MACROD2: variants seen among roughly 807,000 people sequenced by gnomAD.
The protein encoded by MACROD2 is mono-ADP ribosylhydrolase 2.
A neutral mutation model predicts 70.4 loss-of-function variants in MACROD2; 36 were observed. The observed-to-expected ratio is 0.51, with a 90% CI of 0.39 to 0.68. MACROD2 has a LOEUF of 0.68. Among genes scored for constraint, MACROD2 ranks in the 30% least tolerant of loss-of-function variants. The probability of loss-of-function intolerance (pLI) is 0.00; values close to 1 mark genes in which losing one functional copy is unlikely to be tolerated. For synonymous variants in MACROD2, 172 were observed against 178.8 expected, an observed-to-expected ratio of 0.96 and a Z score of 0.30; for missense variants, 496 against 538.4, an observed-to-expected ratio of 0.92 and a Z score of 0.78.
chr20:14,016,743 A>G (rs1180331487), intron 2 of MACROD2, among the ~76,000 whole-genome samples: 1 of 152,172 alleles, frequency 6.6e-6, no homozygotes, highest in Non-Finnish European at 1.5e-5. Context: ...ATCCAGAACC[A>G]CATTATTTTG....
chr20:15,294,477 A>C (rs943346597), intron 6 of MACROD2, among the ~76,000 whole-genome samples: 1 of 152,192 alleles, frequency 6.6e-6, no homozygotes, highest in African/African-American at 2.4e-5. Context: ...TAGCACATGT[A>C]TGTGCAAGCT....
At chr20:15,990,269 ATAT>A (rs1484116809) in intron 15 of MACROD2, among the ~76,000 whole-genome samples, 1 of 152,190 alleles carries the variant, frequency 6.6e-6, no homozygotes, top group Non-Finnish European at 1.5e-5. Context: ...TAGGAAAGTA[ATAT>A]TATAGAAGAT....
chr20:15,558,711 C>G (rs929245786), intron 8 of MACROD2, among the ~76,000 whole-genome samples: 2 of 152,132 alleles, frequency 1.3e-5, no homozygotes, highest in Admixed American at 6.5e-5. Context: ...TGGCTGAGCT[C>G]AAGAAGTGTT....
intron 9 of MACROD2, among the ~76,000 whole-genome samples, chr20:15,869,292 T>A (rs1173179968): frequency 8.6e-6 from 1 of 116,796 alleles, no homozygotes; most frequent in African/African-American, 3.2e-5. Context: ...ACTAATAAGA[T>A]AGGAAAATTA....
intron 5 of MACROD2, among the ~76,000 whole-genome samples, chr20:15,211,394 A>G (rs182120178): frequency 2.8e-4 from 42 of 152,206 alleles, no homozygotes; most frequent in African/African-American, 9.9e-4. Context: ...AACGCAGCTG[A>G]TGTGGTTTAG....
chr20:15,937,627 G>T, intron 12 of MACROD2, 83 bp downstream of exon 12: 1 of 1,288,802 alleles, frequency 7.8e-7, no homozygotes. Flanking sequence ...AAATGAAGCA[G>T]CAAGTCAAAT....
intron 5 of MACROD2, among the ~76,000 whole-genome samples, chr20:15,038,454 T>C (rs971196459): frequency 6.6e-6 from 1 of 152,218 alleles, no homozygotes; most frequent in African/African-American, 2.4e-5. Flanking sequence ...AGTTTTTTGA[T>C]GTGAGCAGTG....
At chr20:15,477,992 G>C (rs2047045386) in intron 7 of MACROD2, among the ~76,000 whole-genome samples, 1 of 152,202 alleles carries the variant, frequency 6.6e-6, no homozygotes, top group Admixed American at 6.5e-5. Flanking sequence ...CTGAAAGCTG[G>C]AGAACACAAG....
At chr20:14,908,877 A>C (rs772022962) in intron 5 of MACROD2, among the ~76,000 whole-genome samples, 1 of 152,150 alleles carries the variant, frequency 6.6e-6, no homozygotes, top group Admixed American at 6.5e-5. Context: ...CAGTACTACA[A>C]GAGTTAAATG....
At chr20:16,017,553 C>A (rs1183399439) in intron 15 of MACROD2, among the ~76,000 whole-genome samples, 1 of 152,160 alleles carries the variant, frequency 6.6e-6, no homozygotes, top group Non-Finnish European at 1.5e-5. Context: ...AAATTCCTGG[C>A]CTTGTCAGTT....
At chr20:14,855,711 A>G (rs555063921) in intron 5 of MACROD2, among the ~76,000 whole-genome samples, 1 of 136,666 alleles carries the variant, frequency 7.3e-6, no homozygotes, top group Non-Finnish European at 1.5e-5. Context: ...ATATCTTTGT[A>G]TCTTTTACAA....
At chr20:15,436,972 T>G (rs2046435561) in intron 7 of MACROD2, among the ~76,000 whole-genome samples, 1 of 152,204 alleles carries the variant, frequency 6.6e-6, no homozygotes, top group South Asian at 2.1e-4. Context: ...CAGGAGCCTT[T>G]GCTCATATTC....
chr20:14,134,472 A>C (rs993447766), intron 3 of MACROD2, among the ~76,000 whole-genome samples: 3 of 152,180 alleles, frequency 2.0e-5, no homozygotes. Context: ...TGTTTTATTT[A>C]ACTAGAGTCT....
intron 15 of MACROD2, among the ~76,000 whole-genome samples, chr20:15,995,519 T>C (rs1487177305): frequency 6.6e-6 from 1 of 151,376 alleles, no homozygotes; most frequent in East Asian, 1.9e-4. Context: ...CCGGCTAATT[T>C]TTTTGTATTT....
At chr20:14,504,103 G>A (rs1486345285) in intron 4 of MACROD2, among the ~76,000 whole-genome samples, 1 of 152,138 alleles carries the variant, frequency 6.6e-6, no homozygotes, top group Non-Finnish European at 1.5e-5. Flanking sequence ...ATTTCACAAT[G>A]ACATGGACTG....
chr20:14,656,134 C>T (rs531691739), intron 4 of MACROD2, among the ~76,000 whole-genome samples: 1 of 152,310 alleles, frequency 6.6e-6, no homozygotes, highest in East Asian at 1.9e-4. Flanking sequence ...CAATCCATTT[C>T]TCTTTTCTAC....
At chr20:14,727,772 C>T (rs1391158368) in intron 5 of MACROD2, among the ~76,000 whole-genome samples, 1 of 152,150 alleles carries the variant, frequency 6.6e-6, no homozygotes, top group Non-Finnish European at 1.5e-5. Flanking sequence ...ATCTGATATT[C>T]CACCTTTAGG....
chr20:15,405,592 G>T (rs34595106), intron 6 of MACROD2, among the ~76,000 whole-genome samples: 1 of 152,060 alleles, frequency 6.6e-6, no homozygotes, highest in Non-Finnish European at 1.5e-5. Context: ...CAGTCTTGTC[G>T]CCTTCTCCAC....
chr20:15,599,503 C>G (rs1326272372), intron 8 of MACROD2, among the ~76,000 whole-genome samples: 3 of 152,142 alleles, frequency 2.0e-5, no homozygotes, highest in African/African-American at 7.2e-5. Context: ...TCTTGAGTAA[C>G]TTTTCTGCCA....
Sources: allele counts gnomAD v4.1 joint callset (sites outside exome capture counted in the v4.1 genomes callset), GRCh38; gene constraint gnomAD v4.1.1; transcripts MANE v1.5; gene names NCBI Gene and HGNC (gene_info 2026-07-23, HGNC 2026-07-21).